ROBO1: variants seen among roughly 807,000 people sequenced by gnomAD.
ROBO1 encodes roundabout guidance receptor 1.
ROBO1 carries 149 observed loss-of-function variants against 195.9 expected under a neutral mutation model. The observed-to-expected ratio is 0.76, with a 90% CI of 0.67 to 0.87. ROBO1 has a LOEUF of 0.87. Among genes scored for constraint, ROBO1 ranks in the 40% least tolerant of loss-of-function variants. The pLI is 0.00. For synonymous variants in ROBO1, 816 were observed against 733.2 expected, an observed-to-expected ratio of 1.11 and a Z score of -1.82; for missense variants, 1,933 against 2,068.3, an observed-to-expected ratio of 0.93 and a Z score of 1.27.
intron 4 of ROBO1, among the ~76,000 whole-genome samples, chr3:78,924,860 A>G (rs2039124763): frequency 6.6e-6 from 1 of 152,122 alleles, no homozygotes; most frequent in Non-Finnish European, 1.5e-5. Context: ...AGTCTTAAAT[A>G]TTTAATATCT....
intron 2 of ROBO1, among the ~76,000 whole-genome samples, chr3:79,331,987 C>CA (rs542719331): frequency 9.4e-4 from 142 of 151,700 alleles, no homozygotes; most frequent in Middle Eastern, 3.4e-3. Flanking sequence ...CTAAAAAATA[C>CA]AAAAAATTAG....
At chr3:79,655,873 T>A (rs1210688202) in intron 1 of ROBO1, among the ~76,000 whole-genome samples, 1 of 152,110 alleles carries the variant, frequency 6.6e-6, no homozygotes, top group Non-Finnish European at 1.5e-5. Flanking sequence ...TCTTATTTGA[T>A]GTACTAATAA....
intron 19 of ROBO1, among the ~76,000 whole-genome samples, chr3:78,650,620 C>T (rs940388049): frequency 6.6e-6 from 1 of 152,180 alleles, no homozygotes; most frequent in African/African-American, 2.4e-5. Context: ...CTGGCCAACA[C>T]ATGTAAGAAA....
chr3:79,070,826 G>T (rs1024822253), intron 3 of ROBO1, among the ~76,000 whole-genome samples: 1 of 151,414 alleles, frequency 6.6e-6, no homozygotes, highest in Non-Finnish European at 1.5e-5. Context: ...GTTTTTTACT[G>T]TCTTTCTATC....
intron 3 of ROBO1, among the ~76,000 whole-genome samples, chr3:79,052,926 G>A (rs1468354389): frequency 6.6e-6 from 1 of 152,042 alleles, no homozygotes; most frequent in Non-Finnish European, 1.5e-5. Flanking sequence ...TAAACATCAT[G>A]CTTATCTCTG....
chr3:78,628,738 G>C (rs1483523777), intron 25 of ROBO1, among the ~76,000 whole-genome samples: 1 of 152,054 alleles, frequency 6.6e-6, no homozygotes, highest in African/African-American at 2.4e-5. Context: ...TTAACAAACA[G>C]CTGAGCAACT....
At chr3:79,076,447 A>G (rs1406572639) in intron 3 of ROBO1, among the ~76,000 whole-genome samples, 3 of 151,470 alleles carry the variant, frequency 2.0e-5, no homozygotes, top group Non-Finnish European at 4.4e-5. Flanking sequence ...CATTAATTCA[A>G]TAAGAATGGG....
intron 1 of ROBO1, among the ~76,000 whole-genome samples, chr3:79,708,955 C>T (rs1560119347): frequency 1.3e-5 from 2 of 151,604 alleles, no homozygotes; most frequent in Non-Finnish European, 2.9e-5. Flanking sequence ...TTTCTTTATA[C>T]CAGTGATTAT....
intron 2 of ROBO1, among the ~76,000 whole-genome samples, chr3:79,409,691 A>G (rs1391008876): frequency 1.3e-5 from 2 of 152,156 alleles, no homozygotes; most frequent in African/African-American, 4.8e-5. Context: ...TTGAATAGGA[A>G]AAGGTTGAAA....
At chr3:79,347,625 G>T (rs997170508) in intron 2 of ROBO1, among the ~76,000 whole-genome samples, 2 of 152,170 alleles carry the variant, frequency 1.3e-5, no homozygotes, top group Non-Finnish European at 2.9e-5. Context: ...CAGACAATAA[G>T]TGTCAATGCA....
intron 2 of ROBO1, among the ~76,000 whole-genome samples, chr3:79,212,032 G>C (rs1464427837): frequency 6.6e-6 from 1 of 152,182 alleles, no homozygotes; most frequent in African/African-American, 2.4e-5. Context: ...ATAAAGGGAT[G>C]GGCTCTGGCT....
intron 4 of ROBO1, among the ~76,000 whole-genome samples, chr3:78,756,974 C>T (rs1166201485): frequency 6.6e-6 from 1 of 152,144 alleles, no homozygotes; most frequent in African/African-American, 2.4e-5. Context: ...TCACTGCAAC[C>T]TCCGCCTTCT....
At chr3:78,870,685 A>G (rs1237634069) in intron 4 of ROBO1, among the ~76,000 whole-genome samples, 3 of 152,160 alleles carry the variant, frequency 2.0e-5, no homozygotes, top group Non-Finnish European at 4.4e-5. Flanking sequence ...AATGGCAAGG[A>G]TTTTAAAAGG....
intron 2 of ROBO1, among the ~76,000 whole-genome samples, chr3:79,545,604 T>C (rs1231692103): frequency 6.6e-6 from 1 of 152,204 alleles, no homozygotes; most frequent in Non-Finnish European, 1.5e-5. Flanking sequence ...GTATTAAATA[T>C]GTGATAATTA....
At chr3:79,370,475 C>T (rs988603177) in intron 2 of ROBO1, among the ~76,000 whole-genome samples, 2 of 151,912 alleles carry the variant, frequency 1.3e-5, no homozygotes, top group Non-Finnish European at 2.9e-5. Context: ...ATACAACATC[C>T]GTGTGTTTCT....
In ROBO1 at chr3:78,899,008, G is replaced by A. The variant is rs147255216; in HGVS notation, c.499+39593C>T. ...CCCCAAACTCCAGGCATCCCCCTGA[G>A]TCAGTGTATTTGTTCTTTCCTCTCA... On this transcript the variant is annotated intron_variant, in intron 4 of 30. Coordinates refer to ENST00000464233, the MANE Select transcript of ROBO1 (RefSeq NM_002941.4). Among the ~76,000 whole-genome samples, 846 of 152,244 alleles carry A rather than the reference G, an allele frequency of 5.6e-3. 6 individuals are homozygous for A. The highest frequency in any genetic ancestry group is 0.041 in the Middle Eastern group (12 of 294).
chr3:78,698,913 C>T (rs2081359100), intron 8 of ROBO1, among the ~76,000 whole-genome samples: 1 of 152,184 alleles, frequency 6.6e-6, no homozygotes, highest in African/African-American at 2.4e-5. Context: ...TTGGTAGTTA[C>T]TTGTCTACTA....
At chr3:79,106,332 T>G (rs1206220639) in intron 3 of ROBO1, among the ~76,000 whole-genome samples, 1 of 151,698 alleles carries the variant, frequency 6.6e-6, no homozygotes, top group African/African-American at 2.4e-5. Context: ...ATTTTTTTAT[T>G]ATTGTGATAT....
chr3:79,113,474 A>T (rs2079930378), intron 3 of ROBO1, among the ~76,000 whole-genome samples: 1 of 152,060 alleles, frequency 6.6e-6, no homozygotes, highest in African/African-American at 2.4e-5. Flanking sequence ...CCTGTAAAAA[A>T]ATGAAATTAT....
Sources: allele counts gnomAD v4.1 joint callset (sites outside exome capture counted in the v4.1 genomes callset), GRCh38; gene constraint gnomAD v4.1.1; transcripts MANE v1.5; gene names NCBI Gene and HGNC (gene_info 2026-07-23, HGNC 2026-07-21).